Variants in ZEB1 observed in about 807,000 individuals in gnomAD.
ZEB1 encodes the protein zinc finger E-box binding homeobox 1, also known as zinc finger E-box-binding homeobox 1.
Under a neutral mutation model 84.9 loss-of-function variants are expected in ZEB1, and 21 were observed. The observed-to-expected ratio is 0.25, with a 90% CI of 0.18 to 0.36. ZEB1 has a LOEUF of 0.36. ZEB1 is among the 10% of genes least tolerant of loss of function. The pLI is 1.00. For missense variants in ZEB1, 1,104 were observed against 1,330.2 expected, an observed-to-expected ratio of 0.83 and a Z score of 2.65; for synonymous variants, 420 against 471.1, an observed-to-expected ratio of 0.89 and a Z score of 1.41.
At chr10:31,498,487 C>T (rs1007007254) in intron 3 of ZEB1, among the ~76,000 whole-genome samples, 1 of 151,986 alleles carries the variant, frequency 6.6e-6, no homozygotes, top group Non-Finnish European at 1.5e-5. Flanking sequence ...CTAACAATTA[C>T]ATAGTACTTA....
At chr10:31,334,054 T>TA (rs2037433279) in intron 1 of ZEB1, among the ~76,000 whole-genome samples, 1 of 151,990 alleles carries the variant, frequency 6.6e-6, no homozygotes, top group African/African-American at 2.4e-5. Context: ...AAACTAGGAC[T>TA]GCAGAAGAAA....
At chr10:31,332,233 T>G (rs967308456) in intron 1 of ZEB1, among the ~76,000 whole-genome samples, 8 of 152,328 alleles carry the variant, frequency 5.3e-5, no homozygotes, top group South Asian at 4.1e-4. Context: ...ATAAGCAGCC[T>G]TACGTTATAG....
intron 1 of ZEB1, among the ~76,000 whole-genome samples, chr10:31,322,967 A>C (rs908918944): frequency 1.3e-5 from 2 of 152,140 alleles, no homozygotes; most frequent in Non-Finnish European, 2.9e-5. Context: ...CCTTCAGTAT[A>C]ATTCTGAGTC....
At chr10:31,329,367 G>A (rs1194518707) in intron 1 of ZEB1, among the ~76,000 whole-genome samples, 3 of 152,056 alleles carry the variant, frequency 2.0e-5, no homozygotes, top group African/African-American at 7.2e-5. Flanking sequence ...TTGTATTGCT[G>A]AGTAGTATTC....
chr10:31,344,835 A>G (rs905799084), intron 1 of ZEB1, among the ~76,000 whole-genome samples: 3 of 152,114 alleles, frequency 2.0e-5, no homozygotes, highest in Non-Finnish European at 4.4e-5. Flanking sequence ...GGAATAGTTG[A>G]GAACTAATTC....
At chr10:31,392,020 A>G (rs58079711) in intron 1 of ZEB1, among the ~76,000 whole-genome samples, 1,611 of 152,340 alleles carry the variant, frequency 0.011, 28 homozygotes, top group African/African-American at 0.037. Flanking sequence ...TGTGAAAATT[A>G]AAGTTTATTT....
intron 1 of ZEB1, among the ~76,000 whole-genome samples, chr10:31,389,126 A>G (rs569533299): frequency 2.0e-5 from 3 of 152,120 alleles, no homozygotes; most frequent in South Asian, 4.1e-4. Context: ...TATGAGATCT[A>G]TGAGATCTTG....
chr10:31,452,759 G>T (rs866404853), intron 1 of ZEB1, among the ~76,000 whole-genome samples: 83 of 149,922 alleles, frequency 5.5e-4, no homozygotes, highest in African/African-American at 2.0e-3. Flanking sequence ...GAGAGAGAGA[G>T]AGAGAGAGAG....
chr10:31,407,690 A>G (rs1183594255), intron 1 of ZEB1, among the ~76,000 whole-genome samples: 1 of 151,886 alleles, frequency 6.6e-6, no homozygotes, highest in Non-Finnish European at 1.5e-5. Context: ...ACAAAATTCA[A>G]CAACACTTCA....
rs201181018 is a variant in ZEB1 at position 31,363,751 on chromosome 10, G to C, written c.58+44459G>C. ...AGACAGCACGGGTTTCTTCCTTGAGGGGGGGCTCCAGACCACAGGACGCAG... is the reference window on the plus strand; with the variant it reads ...AGACAGCACGGGTTTCTTCCTTGAGCGGGGGCTCCAGACCACAGGACGCAG... On this transcript the variant is annotated intron_variant, in intron 1 of 8. Transcript: ENST00000424869. 1.7e-3 allele frequency: 2,055 copies of C among 1,226,786 alleles called. 5 individuals are homozygous for C. Among genetic ancestry groups the C allele is most frequent in the Non-Finnish European group, 2.1e-3 (1,820 of 867,142 alleles). The allele number at this position is 1,226,786 out of a possible 1,614,324, so 76.0% of individuals were successfully genotyped here.
intron 1 of ZEB1, among the ~76,000 whole-genome samples, chr10:31,323,435 C>T (rs1483517132): frequency 1.3e-5 from 2 of 151,978 alleles, no homozygotes; most frequent in African/African-American, 4.8e-5. Context: ...GAGCTACTAA[C>T]GGAGGTGGTA....
Position 31,504,420 on chromosome 10 carries a change from A to T in ZEB1, c.484+1911A>T, listed in dbSNP as rs549169527. 9.5e-4 allele frequency among the ~76,000 whole-genome samples: 144 copies of T among 151,886 alleles called. 2 individuals are homozygous for T. Among genetic ancestry groups the T allele is most frequent in the African/African-American group, 3.4e-3 (140 of 41,432 alleles). ...TCCAGCTTTGTTCTTTTTGCTCAGG[A>T]TTGCTTTGGCTATATTGGTCTTTTG... is the stretch of plus-strand genomic sequence containing the variant. On this transcript the variant is annotated intron_variant, in intron 4 of 8. Coordinates refer to ENST00000424869, the MANE Select transcript of ZEB1 (RefSeq NM_001174096.2).
chr10:31,325,335 A>T (rs2035215533), intron 1 of ZEB1, among the ~76,000 whole-genome samples: 1 of 152,096 alleles, frequency 6.6e-6, no homozygotes, highest in Non-Finnish European at 1.5e-5. Context: ...TATTTGTATT[A>T]TAGCTGTGAA....
chr10:31,349,289 C>T (rs1005700544), intron 1 of ZEB1, among the ~76,000 whole-genome samples: 14 of 152,176 alleles, frequency 9.2e-5, no homozygotes, highest in Middle Eastern at 3.2e-3. Context: ...CTGTTGTGTG[C>T]GTATACTACA....
intron 1 of ZEB1, among the ~76,000 whole-genome samples, chr10:31,450,320 TG>T (rs1306230144): frequency 1.3e-5 from 2 of 152,194 alleles, no homozygotes; most frequent in African/African-American, 2.4e-5. Flanking sequence ...TCATTTGTGT[TG>T]CTAGTAATAG....
intron 1 of ZEB1, among the ~76,000 whole-genome samples, chr10:31,382,022 AAAAAAAAAAAAAC>A (rs1564659032): frequency 6.8e-6 from 1 of 147,042 alleles, no homozygotes; most frequent in African/African-American, 2.7e-5. Flanking sequence ...AAAAAAAAAA[AAAAAAAAAAAAAC>A]AAAGTAAATT....
intron 1 of ZEB1, among the ~76,000 whole-genome samples, chr10:31,460,104 T>G (rs1303763677): frequency 6.6e-6 from 1 of 151,966 alleles, no homozygotes; most frequent in African/African-American, 2.4e-5. Flanking sequence ...CCATACCCAA[T>G]GAAGTACTAA....
At chr10:31,345,507 A>G (rs937205715) in intron 1 of ZEB1, among the ~76,000 whole-genome samples, 3 of 152,158 alleles carry the variant, frequency 2.0e-5, no homozygotes, top group African/African-American at 7.2e-5. Context: ...TACTTCCCAG[A>G]AGCCTTGATG....
chr10:31,514,548 C>A (rs2070727497), intron 5 of ZEB1, 55 bp from the exon 6 acceptor site: 1 of 1,496,082 alleles, frequency 6.7e-7, no homozygotes, highest in Admixed American at 1.7e-5. Context: ...ATTGGATGTT[C>A]TTTAGTCTAA....
Sources: allele counts gnomAD v4.1 joint callset (sites outside exome capture counted in the v4.1 genomes callset), GRCh38; gene constraint gnomAD v4.1.1; transcripts MANE v1.5; gene names NCBI Gene and HGNC (gene_info 2026-07-23, HGNC 2026-07-21).